KMT2D: variants seen among roughly 807,000 people sequenced by gnomAD.
KMT2D encodes the protein histone-lysine N-methyltransferase 2D.
A neutral mutation model predicts 512.7 loss-of-function variants in KMT2D; 55 were observed. That is an observed-to-expected ratio of 0.11 (90% CI 0.09 to 0.13). The LOEUF (loss-of-function observed/expected upper bound fraction) is 0.13. Among genes scored for constraint, KMT2D ranks in the 10% least tolerant of loss-of-function variants. The pLI is 1.00. For synonymous variants in KMT2D, 2,995 were observed against 2,904.0 expected (o/e 1.03, Z -1.01); for missense variants, 6,061 against 7,127.9 (o/e 0.85, Z 5.39).
In KMT2D at chr12:49,050,358, T is replaced by A; in HGVS notation, c.3230A>T (p.Lys1077Ile). The change falls in exon 12 of 55, where the codon AAA (lysine) becomes ATA (isoleucine). Residue 1077 changes from lysine to isoleucine, a missense_variant. Lys to Ile is a moderately radical substitution (Grantham distance 102). Coordinates refer to ENST00000301067, the MANE Select transcript of KMT2D (RefSeq NM_003482.4). Reference protein sequence around the residue: ...EAELHEMETEKVSEPECPALE... With the variant: ...EAELHEMETEIVSEPECPALE... Reference sequence around the variant, plus strand: ...GGCTGGGCATTCAGGTTCTGAAACTTTCTCAGTCTCCATCTCGTGCAGCTC... The same window carrying A: ...GGCTGGGCATTCAGGTTCTGAAACTATCTCAGTCTCCATCTCGTGCAGCTC... 6.2e-7 allele frequency: 1 copy of A among 1,612,026 alleles called. No homozygotes were observed. The highest frequency in any genetic ancestry group is 8.5e-7 in the Non-Finnish European group (1 of 1,179,002).
rs772639540 is a variant in KMT2D, at chr12:49,050,774, TGGA to T, written c.2811_2813del (p.Pro938del). On this transcript the variant is annotated inframe_deletion, in exon 12 of 55. Coordinates refer to ENST00000301067, the MANE Select transcript of KMT2D (RefSeq NM_003482.4). ...CCGCAGCTGTGATGATGGGTGAGAG[TGGA>T]GGAGGAAGGGGATCTGGAAGGAAAG... is the stretch of plus-strand genomic sequence containing the variant. The T allele has an allele frequency of 1.2e-6, 2 of 1,603,024 alleles. No individual in the cohort carries two copies. Among genetic ancestry groups the T allele is most frequent in the East Asian group, 2.2e-5 (1 of 44,512 alleles).
chr12:49,054,722 C>G lies in KMT2D; in HGVS notation c.206G>C (p.Cys69Ser), dbSNP rs1263665782. Residue 69 changes from cysteine to serine, a missense_variant, in exon 4 of 55, where the codon TGT becomes TCT. By Grantham distance (112) the Cys-to-Ser change is moderately radical (BLOSUM62 -1). Transcript: ENST00000301067. The surrounding 1 kb of genome is among the most constrained non-coding windows in gnomAD (Gnocchi z 6.4). ...SGGPVRRCAL[C>S]NCGEPSLHGQ... ...GTGTAGACTGGGCTCCCCGCAGTTA[C>G]AGAGAGCACAACGCCGCACCGGACC... 1 of 1,613,818 alleles carries G rather than the reference C, an allele frequency of 6.2e-7. No individual in the cohort carries two copies. Among genetic ancestry groups the G allele is most frequent in the Non-Finnish European group, 8.5e-7 (1 of 1,179,794 alleles).
At position 49,038,621 on chromosome 12, in the gene KMT2D, T is replaced by A. The variant is rs757759802; in HGVS notation, c.8735A>T (p.Asp2912Val). The change falls in exon 35 of 55, where the codon GAC (aspartate) becomes GTC (valine). Residue 2912 changes from aspartate (D) to valine (V), a missense_variant. Physicochemically the swap from Asp to Val is radical, Grantham distance 152. Coordinates refer to ENST00000301067, the MANE Select transcript of KMT2D (RefSeq NM_003482.4). This position sits in a 1 kb window ranked among gnomAD's most constrained non-coding sequence, Gnocchi z 5.7. ...CCCTTCAGGAGCCAGTCGGTGGGGG[T>A]CCTCACTTACAGGGTAAAAACGGGG... ...QRPRFYPVSEDPHRLAPEGLR... is the reference protein window; with the variant it reads ...QRPRFYPVSEVPHRLAPEGLR... 31 of 1,612,260 alleles carry A rather than the reference T, an allele frequency of 1.9e-5. No individual in the cohort carries two copies. The highest frequency in any genetic ancestry group is 2.5e-5 in the Non-Finnish European group (29 of 1,179,464).
At chr12:49,021,903 A>G in intron 54 of KMT2D, 31 bp from the exon 55 acceptor site, 2 of 1,592,784 alleles carry the variant, frequency 1.3e-6, no homozygotes, top group Non-Finnish European at 1.7e-6. Context: ...AATCAATGCT[A>G]GTCCCCCACA....
In KMT2D at chr12:49,051,149, C is replaced by CG. The variant is rs767415197; in HGVS notation, c.2533dup (p.Arg845ProfsTer3). 2 of 1,508,542 alleles carry CG rather than the reference C, an allele frequency of 1.3e-6. No homozygotes were observed. Among genetic ancestry groups the CG allele is most frequent in the Non-Finnish European group, 1.8e-6 (2 of 1,126,664 alleles). The allele number at this position is 1,508,542 out of a possible 1,614,324, so 93.4% of individuals were successfully genotyped here. On this transcript the variant is annotated frameshift_variant, in exon 11 of 55. Transcript: ENST00000301067. LOFTEE classifies it high-confidence loss of function. ...AGGGGACAGATGCGATTCCTCAGGC[C>CG]GGGGGGACAGGCATGGCTCCTCAGA...
chr12:49,031,263 T>G lies in KMT2D; in HGVS notation c.13442A>C (p.Glu4481Ala). 3 of 1,613,324 alleles carry G rather than the reference T, an allele frequency of 1.9e-6. No homozygotes were observed. Among genetic ancestry groups the G allele is most frequent in the Non-Finnish European group, 2.5e-6 (3 of 1,179,828 alleles). Reference sequence around the variant, plus strand: ...CCCGTTGATCTCAGCTCGCAGCCCCTCGGACCCCCGCCCAGTGCTGAGTTG... The same window carrying G: ...CCCGTTGATCTCAGCTCGCAGCCCCGCGGACCCCCGCCCAGTGCTGAGTTG... ...NVQLSTGRGS[E>A]GLRAEINGHI... The change falls in exon 40 of 55, where the codon GAG (glutamate) becomes GCG (alanine). Residue 4481 changes from glutamate (E) to alanine (A), a missense_variant. Physicochemically the swap from Glu to Ala is moderately radical, Grantham distance 107. Around this residue, in one of 16 missense-constraint regions of KMT2D, gnomAD observed 1,600 missense variants for 1,754.9 expected, o/e 0.91. Coordinates refer to ENST00000301067, the MANE Select transcript of KMT2D (RefSeq NM_003482.4).
chr12:49,052,104 G>T lies in KMT2D; in HGVS notation c.1579C>A (p.Pro527Thr), dbSNP rs587778450. The change falls in exon 11 of 55, where the codon CCC (proline) becomes ACC (threonine). Residue 527 changes from proline to threonine, a missense_variant. Physicochemically the swap from Pro to Thr is conservative, Grantham distance 38. Around this residue, in one of 16 missense-constraint regions of KMT2D, gnomAD observed 848 missense variants for 838.5 expected, o/e 1.01. Coordinates refer to ENST00000301067, the MANE Select transcript of KMT2D (RefSeq NM_003482.4). ...GGCGTCTCAAGTGCAGGAGATGGGG[G>T]TGACTCTTCCGGTGGAGACAAGGGC... ...ESPLSPPEES[P>T]PSPALETPLS... 1 of 1,612,734 alleles carries T rather than the reference G, an allele frequency of 6.2e-7. No homozygotes were observed. Among genetic ancestry groups the T allele is most frequent in the South Asian group, 1.1e-5 (1 of 91,044 alleles).
At chr12:49,056,451 T>TG (rs1410010992) in intron 1 of KMT2D, among the ~76,000 whole-genome samples, 2 of 149,614 alleles carry the variant, frequency 1.3e-5, no homozygotes, top group Admixed American at 1.3e-4. Flanking sequence ...TTAAGCACAG[T>TG]GGGAAAAAAA....
intron 37 of KMT2D, 46 bp downstream of exon 37, chr12:49,034,536 C>T (rs2120457483): frequency 6.2e-7 from 1 of 1,611,270 alleles, no homozygotes; most frequent in East Asian, 2.2e-5. Context: ...AGAAGGGTGG[C>T]CCAGTGGCAT....
In KMT2D at chr12:49,027,850, C is replaced by T; in HGVS notation, c.14596G>A (p.Gly4866Ser). ...WLKQFDAVLP[G>S]YTLKSQLDIL... Reference sequence around the variant, plus strand: ...TCTAGTTGGCTCTTCAGGGTATAGCCAGGCAACACTGCATCAAACTGCTTC... The same window carrying T: ...TCTAGTTGGCTCTTCAGGGTATAGCTAGGCAACACTGCATCAAACTGCTTC... The change falls in exon 48 of 55, where the codon GGC (glycine) becomes AGC (serine). Residue 4866 changes from glycine to serine, a missense_variant. Gly to Ser is a moderately conservative substitution (Grantham distance 56). Transcript: ENST00000301067. The T allele has an allele frequency of 6.2e-7, 1 of 1,604,312 alleles. No individual in the cohort carries two copies. Among genetic ancestry groups the T allele is most frequent in the Non-Finnish European group, 8.5e-7 (1 of 1,175,356 alleles).
In KMT2D at chr12:49,038,645, G is replaced by A. The variant is rs772003338; in HGVS notation, c.8711C>T (p.Pro2904Leu). 5 of 1,613,106 alleles carry A rather than the reference G, an allele frequency of 3.1e-6. No individual in the cohort carries two copies. In the Admixed American group the frequency reaches 6.7e-5, roughly 21 times the overall value. ...GTCCTCACTTACAGGGTAAAAACGG[G>A]GTCTCTGAGGTGGGCCCTGACCAGG... ...PFPGQGPPQR[P>L]RFYPVSEDPH... is the part of the protein sequence containing the mutation. Residue 2904 changes from proline to leucine, a missense_variant, in exon 35 of 55, where the codon CCC becomes CTC. Coordinates refer to ENST00000301067, the MANE Select transcript of KMT2D (RefSeq NM_003482.4). This position sits in a 1 kb window ranked among gnomAD's most constrained non-coding sequence, Gnocchi z 5.7.
rs1480710654 is a variant in KMT2D, at chr12:49,060,315, G to A, written c.-740C>T. On this transcript the variant is annotated 5_prime_UTR_variant, in exon 1 of 55. Coordinates refer to ENST00000301067, the MANE Select transcript of KMT2D (RefSeq NM_003482.4). Reference sequence around the variant, plus strand: ...GTAGGCGAGGAAAAGGAAGGGGCGGGCGGTGCGAGCCCTCTGCCCGCTCCC... The same window carrying A: ...GTAGGCGAGGAAAAGGAAGGGGCGGACGGTGCGAGCCCTCTGCCCGCTCCC... Among the ~76,000 whole-genome samples, 5 of 152,006 alleles carry A rather than the reference G, an allele frequency of 3.3e-5. No individual in the cohort carries two copies. Among genetic ancestry groups the A allele is most frequent in the African/African-American group, 7.2e-5 (3 of 41,408 alleles).
At position 49,041,857 on chromosome 12, in the gene KMT2D, C is replaced by T. The variant is rs2120551024; in HGVS notation, c.6183+60G>A. On this transcript the variant is annotated intron_variant, in intron 30 of 54. Coordinates refer to ENST00000301067, the MANE Select transcript of KMT2D (RefSeq NM_003482.4). This position sits in a 1 kb window ranked among gnomAD's most constrained non-coding sequence, Gnocchi z 5.4. ...GAGCGGAAAGAACTGAGGTAAATTA[C>T]CCAAAGATCCCTCCCTCCCTCTCAG... is the stretch of plus-strand genomic sequence containing the variant. The T allele has an allele frequency of 6.5e-7, 1 of 1,542,166 alleles. No individual in the cohort carries two copies. Among genetic ancestry groups the T allele is most frequent in the Non-Finnish European group, 8.8e-7 (1 of 1,134,522 alleles).
In KMT2D at chr12:49,033,370, G is replaced by A. The variant is rs756025058; in HGVS notation, c.11335C>T (p.Pro3779Ser). The A allele has an allele frequency of 6.3e-7, 1 of 1,580,918 alleles. No individual in the cohort carries two copies. The highest frequency in any genetic ancestry group is 1.1e-5 in the South Asian group (1 of 87,022). Reference protein sequence around the residue: ...LGPKPQGLMPPSSHQGLLVQQ... With the variant: ...LGPKPQGLMPSSSHQGLLVQQ... ...ACCAGGAGGCCTTGGTGGCTGCTGGGAGGCATAAGGCCCTGGGGCTTGGGA... is the reference window on the plus strand; with the variant it reads ...ACCAGGAGGCCTTGGTGGCTGCTGGAAGGCATAAGGCCCTGGGGCTTGGGA... The change falls in exon 40 of 55, where the codon CCC (proline) becomes TCC (serine). Residue 3779 changes from proline (P) to serine (S), a missense_variant. Pro to Ser is a moderately conservative substitution (Grantham distance 74). Transcript: ENST00000301067.
chr12:49,043,457 G>A (rs1277037184), intron 24 of KMT2D, 29 bp from the exon 25 acceptor site: 1 of 1,611,690 alleles, frequency 6.2e-7, no homozygotes, highest in South Asian at 1.1e-5. Flanking sequence ...CCTCCAATCA[G>A]AGATGTCCTA....
In KMT2D at chr12:49,020,005, A is replaced by G. The variant is rs1942229863; in HGVS notation, c.*1775T>C. 1 of 214,638 alleles carries G rather than the reference A, an allele frequency of 4.7e-6. No individual in the cohort carries two copies. Among genetic ancestry groups the G allele is most frequent in the Non-Finnish European group, 9.4e-6 (1 of 105,922 alleles). The allele number at this position is 214,638 out of a possible 1,614,324, so 13.3% of individuals were successfully genotyped here. ...GCCCTTTGCCCACAGCCCCTAGAAG[A>G]GAACTGCATATAAGCTTCATCTTCA... is the stretch of plus-strand genomic sequence containing the variant. On this transcript the variant is annotated 3_prime_UTR_variant, in exon 55 of 55. Transcript: ENST00000301067.
intron 42 of KMT2D, 29 bp from the exon 43 acceptor site, chr12:49,030,468 G>C (rs1482787770): frequency 2.2e-6 from 3 of 1,355,110 alleles, no homozygotes; most frequent in Non-Finnish European, 3.1e-6. Context: ...GGTGTTGTGT[G>C]CAAGATGGCA....
rs748055244 is a variant in KMT2D, at chr12:49,034,104, G to A, written c.10703C>T (p.Thr3568Ile). Residue 3568 changes from threonine (T) to isoleucine (I), a missense_variant, in exon 39 of 55, where the codon ACA becomes ATA. Thr to Ile is a moderately conservative substitution (Grantham distance 89, BLOSUM62 -1). Coordinates refer to ENST00000301067, the MANE Select transcript of KMT2D (RefSeq NM_003482.4). ...TTTCTGGATCTTGCTCTGCTGCTCT[G>A]TAACCAGCTTGAGCTTCTCAGCATC... ...EADAEKLKLV[T>I]EQQSKIQKQL... 6.2e-6 allele frequency: 10 copies of A among 1,612,932 alleles called. No individual in the cohort carries two copies. The highest frequency in any genetic ancestry group is 7.6e-6 in the Non-Finnish European group (9 of 1,179,884).
At position 49,033,969 on chromosome 12, in the gene KMT2D, CATGGG is replaced by C; in HGVS notation, c.10741-10_10741-6del. 6.5e-7 allele frequency: 1 copy of C among 1,535,368 alleles called. No individual in the cohort carries two copies. Among genetic ancestry groups the C allele is most frequent in the Non-Finnish European group, 8.8e-7 (1 of 1,139,660 alleles). Reference sequence around the variant, plus strand: ...CTCCTTCTGCTGTTTCCGGACCTAACATGGGAGGGTCGGAGAGGTCAGGCTGGGGC... The same window carrying C: ...CTCCTTCTGCTGTTTCCGGACCTAACAGGGTCGGAGAGGTCAGGCTGGGGC... On this transcript the variant is annotated splice_polypyrimidine_tract_variant and splice_region_variant and intron_variant, in intron 39 of 54. Coordinates refer to ENST00000301067, the MANE Select transcript of KMT2D (RefSeq NM_003482.4).
Sources: gnomAD v4.1 joint callset for allele counts (sites outside exome capture counted in the v4.1 genomes callset) on GRCh38, gnomAD v4.1.1 for gene constraint, gnomAD v4.1.1 regional missense constraint, Gnocchi (gnomAD v3.1) non-coding constraint, MANE v1.5 for transcripts, NCBI Gene and HGNC (gene_info 2026-07-23, HGNC 2026-07-21) for gene names.